PHF20: variants seen among roughly 807,000 people sequenced by gnomAD.
PHF20 encodes the protein glioma-expressed antigen 2.
In PHF20, 23 loss-of-function variants were observed where a neutral mutation model predicts 113.5. The ratio of observed to expected loss-of-function variants is 0.20; its 90% CI spans 0.15 to 0.29. The LOEUF (loss-of-function observed/expected upper bound fraction) is 0.29, where lower values mean the gene tolerates loss of function less well. Ranked by LOEUF, PHF20 falls within the 10% of genes least tolerant of loss-of-function variation. The probability of loss-of-function intolerance (pLI) is 1.00; values close to 1 mark genes in which losing one functional copy is unlikely to be tolerated. For missense variants in PHF20, 943 were observed against 1,219.6 expected, an observed-to-expected ratio of 0.77 and a Z score of 3.38; for synonymous variants, 434 against 457.3, an observed-to-expected ratio of 0.95 and a Z score of 0.65.
chr20:35,894,941 G>C (rs7268813), intron 9 of PHF20, among the ~76,000 whole-genome samples: 8,881 of 152,146 alleles, frequency 0.058, 415 homozygotes, highest in African/African-American at 0.13. Flanking sequence ...CTGCGATCTC[G>C]ACCTCCTGGT....
intron 15 of PHF20, among the ~76,000 whole-genome samples, chr20:35,938,038 AT>A (rs1159238033): frequency 6.6e-6 from 1 of 151,696 alleles, no homozygotes; most frequent in Non-Finnish European, 1.5e-5. Context: ...CGTCCAGCTA[AT>A]TTTTTTTGTA....
At chr20:35,790,241 TC>T (rs2041517588) in intron 1 of PHF20, among the ~76,000 whole-genome samples, 1 of 151,400 alleles carries the variant, frequency 6.6e-6, no homozygotes, top group African/African-American at 2.4e-5. Flanking sequence ...CGCTCTGTCA[TC>T]CCGGCTGGAG....
intron 9 of PHF20, among the ~76,000 whole-genome samples, chr20:35,897,859 G>A (rs1168856995): frequency 2.1e-5 from 3 of 146,236 alleles, no homozygotes; most frequent in Admixed American, 1.4e-4. Flanking sequence ...GAGCCACCAC[G>A]CCCGGTGTTT....
At chr20:35,833,158 A>G (rs914041495) in intron 2 of PHF20, among the ~76,000 whole-genome samples, 14 of 152,234 alleles carry the variant, frequency 9.2e-5, no homozygotes, top group Admixed American at 2.6e-4. Context: ...TTATGGTTCA[A>G]TGAATTTTTC....
At chr20:35,789,837 C>A (rs1318856426) in intron 1 of PHF20, among the ~76,000 whole-genome samples, 2 of 116,048 alleles carry the variant, frequency 1.7e-5, no homozygotes, top group African/African-American at 6.6e-5. Context: ...TGAGCCATGG[C>A]GCCCAGCCCC....
rs963510290 is a variant in PHF20 at position 35,914,058 on chromosome 20, T to G, written c.1686T>G (p.Ser562Arg). 1 of 1,614,016 alleles carries G rather than the reference T, an allele frequency of 6.2e-7. No homozygotes were observed. Among genetic ancestry groups the G allele is most frequent in the African/African-American group, 1.3e-5 (1 of 74,908 alleles). ...AATGCCCCTGCAGTGAGGAGATCAGTGACACCTCCCAGGAACCTTCTCCAC... is the reference window on the plus strand; with the variant it reads ...AATGCCCCTGCAGTGAGGAGATCAGGGACACCTCCCAGGAACCTTCTCCAC... ...KPECPCSEEI[S>R]DTSQEPSPPK... is the part of the protein sequence containing the mutation. The change falls in exon 12 of 18, where the codon AGT (serine) becomes AGG (arginine). Residue 562 changes from serine (S) to arginine (R), a missense_variant. Physicochemically the swap from Ser to Arg is moderately radical, Grantham distance 110 (BLOSUM62 -1). Transcript: ENST00000374012.
intron 1 of PHF20, among the ~76,000 whole-genome samples, chr20:35,792,849 C>T (rs1304388408): frequency 1.3e-5 from 2 of 152,158 alleles, no homozygotes; most frequent in Non-Finnish European, 2.9e-5. Flanking sequence ...TTATTCTTCA[C>T]AACAACCCTA....
At chr20:35,841,104 A>G (rs1212498923) in intron 2 of PHF20, among the ~76,000 whole-genome samples, 2 of 151,896 alleles carry the variant, frequency 1.3e-5, no homozygotes, top group Non-Finnish European at 2.9e-5. Context: ...CTGAGCCAGG[A>G]TCTGCTATCC....
chr20:35,775,695 A>G lies in PHF20; in HGVS notation c.-33+3616A>G, dbSNP rs978878631. On this transcript the variant is annotated intron_variant, in intron 1 of 17. Transcript: ENST00000374012. Reference sequence around the variant, plus strand: ...CTTGAACCCGGGAGGCGGAGGTTGCAGTGAGCCAAAATTGCACCACTGCAC... The same window carrying G: ...CTTGAACCCGGGAGGCGGAGGTTGCGGTGAGCCAAAATTGCACCACTGCAC... Among the ~76,000 whole-genome samples the G allele has an allele frequency of 3.6e-5, 5 of 137,980 alleles. No homozygotes were observed. The East Asian group carries it at 1.2e-3, about 32-fold the overall frequency. 90.5% of individuals were successfully genotyped at this position (137,980 alleles called of 152,430 possible). A position where few individuals can be genotyped will look rare whatever the true frequency, so the allele number is the denominator to read the frequency against.
At chr20:35,846,182 ATTT>A (rs568517729) in intron 3 of PHF20, among the ~76,000 whole-genome samples, 2 of 143,112 alleles carry the variant, frequency 1.4e-5, no homozygotes, top group Non-Finnish European at 1.5e-5. Context: ...CATTCTACAA[ATTT>A]TTTTTTTTTT....
chr20:35,786,311 A>G (rs551858624), intron 1 of PHF20, among the ~76,000 whole-genome samples: 1 of 152,116 alleles, frequency 6.6e-6, no homozygotes, highest in Non-Finnish European at 1.5e-5. Flanking sequence ...GAATCGCTTG[A>G]ACTAGAGAGT....
chr20:35,791,407 A>G lies in PHF20; in HGVS notation c.-32-10084A>G, dbSNP rs1041304360. 5.3e-5 allele frequency among the ~76,000 whole-genome samples: 8 copies of G among 151,062 alleles called. 1 individual carries two copies. The highest frequency in any genetic ancestry group is 1.3e-4 in the Admixed American group (2 of 14,984). On this transcript the variant is annotated intron_variant, in intron 1 of 17. Coordinates refer to ENST00000374012, the MANE Select transcript of PHF20 (RefSeq NM_016436.5). ...AGGTAGACACTAAATGGGCTGATAT[A>G]GTTTTTATATATATGTATATATATA... is the stretch of plus-strand genomic sequence containing the variant.
At chr20:35,822,366 T>C (rs2042183517) in intron 2 of PHF20, among the ~76,000 whole-genome samples, 1 of 150,814 alleles carries the variant, frequency 6.6e-6, no homozygotes, top group Non-Finnish European at 1.5e-5. Context: ...TGCAGTGAGC[T>C]ATGATTGTGC....
intron 2 of PHF20, among the ~76,000 whole-genome samples, chr20:35,829,207 G>A (rs2042315140): frequency 1.3e-5 from 2 of 152,262 alleles, no homozygotes; most frequent in African/African-American, 4.8e-5. Flanking sequence ...AGTGCTTTGT[G>A]TATATGCTTG....
chr20:35,909,470 T>A (rs995619541), intron 10 of PHF20, among the ~76,000 whole-genome samples: 1 of 151,948 alleles, frequency 6.6e-6, no homozygotes, highest in African/African-American at 2.4e-5. Context: ...AAAAATGAGT[T>A]TTGTTTTTAT....
At chr20:35,870,173 AG>A (rs1488661294) in intron 7 of PHF20, among the ~76,000 whole-genome samples, 1 of 151,920 alleles carries the variant, frequency 6.6e-6, no homozygotes, top group African/African-American at 2.4e-5. Context: ...GTGTTGTGGC[AG>A]GCACCTGTAG....
chr20:35,942,563 G>A (rs575573454), intron 17 of PHF20, among the ~76,000 whole-genome samples: 1 of 152,228 alleles, frequency 6.6e-6, no homozygotes, highest in African/African-American at 2.4e-5. Flanking sequence ...AATGGGCAGT[G>A]TGGCAAGGAT....
intron 2 of PHF20, among the ~76,000 whole-genome samples, chr20:35,815,057 G>T (rs1190119227): frequency 1.3e-5 from 2 of 151,506 alleles, no homozygotes; most frequent in African/African-American, 4.8e-5. Flanking sequence ...TTAGCCGGGT[G>T]TGGTGGCAGG....
chr20:35,814,892 A>T (rs758319848), intron 2 of PHF20, among the ~76,000 whole-genome samples: 2,240 of 110,136 alleles, frequency 0.02, 35 homozygotes, highest in African/African-American at 0.032. Flanking sequence ...AAAAAAAAAT[A>T]AAATAAATAA....
Sources: gnomAD v4.1 joint callset for allele counts (sites outside exome capture counted in the v4.1 genomes callset) on GRCh38, gnomAD v4.1.1 for gene constraint, MANE v1.5 for transcripts, NCBI Gene and HGNC (gene_info 2026-07-23, HGNC 2026-07-21) for gene names.